Variants in RNF4 observed in about 807,000 individuals in gnomAD.
RNF4 encodes E3 ubiquitin-protein ligase RNF4.
Under a neutral mutation model 24.3 loss-of-function variants are expected in RNF4, and 7 were observed. The observed-to-expected ratio is 0.29, with a 90% CI of 0.16 to 0.54. The LOEUF is 0.54. RNF4 is among the 20% of genes least tolerant of loss of function. The pLI, the probability that RNF4 is intolerant of heterozygous loss-of-function variation, is 0.95. For missense variants in RNF4, 209 were observed against 248.5 expected, an observed-to-expected ratio of 0.84 and a Z score of 1.07; for synonymous variants, 83 against 84.3, an observed-to-expected ratio of 0.98 and a Z score of 0.09.
intron 1 of RNF4, among the ~76,000 whole-genome samples, chr4:2,474,331 TCA>T (rs1363528618): frequency 6.9e-6 from 1 of 145,008 alleles, no homozygotes; most frequent in Non-Finnish European, 1.5e-5. Context: ...CGAGCCGAAA[TCA>T]CGCCATTGCA....
intron 4 of RNF4, among the ~76,000 whole-genome samples, chr4:2,508,561 GTTTT>G (rs1012347311): frequency 2.0e-5 from 3 of 152,044 alleles, no homozygotes; most frequent in Admixed American, 6.6e-5. Context: ...CGTTGGTTTT[GTTTT>G]TTTGTTTGTT....
At chr4:2,469,907 A>G (rs918971220) in intron 1 of RNF4, 2 of 152,320 alleles carry the variant, frequency 1.3e-5, no homozygotes, top group South Asian at 4.1e-4. Context: ...CGGGCCCTTC[A>G]CCGCTCTGGC....
chr4:2,501,685 C>T (rs1665238174), intron 4 of RNF4, among the ~76,000 whole-genome samples: 1 of 152,158 alleles, frequency 6.6e-6, no homozygotes, highest in African/African-American at 2.4e-5. Flanking sequence ...GGTGGGGGCA[C>T]ACTTGGCAGC....
intron 2 of RNF4, among the ~76,000 whole-genome samples, chr4:2,491,783 G>T (rs532689486): frequency 1.8e-4 from 28 of 152,122 alleles, no homozygotes; most frequent in African/African-American, 6.7e-4. Flanking sequence ...TCCCAGTCTG[G>T]AGTGCAGTGG....
At chr4:2,478,720 T>C (rs1735158683) in intron 1 of RNF4, among the ~76,000 whole-genome samples, 1 of 152,250 alleles carries the variant, frequency 6.6e-6, no homozygotes, top group Non-Finnish European at 1.5e-5. Context: ...TGGAAACACC[T>C]GGATGCCCAG....
At chr4:2,499,289 G>A (rs1409944573) in intron 3 of RNF4, 2 of 452,014 alleles carry the variant, frequency 4.4e-6, no homozygotes, top group South Asian at 1.6e-5. Context: ...TTTTGTTGTT[G>A]TTGTTGTTTG....
chr4:2,483,850 T>C (rs2108755645), intron 1 of RNF4, among the ~76,000 whole-genome samples: 1 of 152,032 alleles, frequency 6.6e-6, no homozygotes, highest in African/African-American at 2.4e-5. Context: ...TTTATTTATT[T>C]TGAGACTGAG....
At chr4:2,485,985 G>A (rs1735394902) in intron 1 of RNF4, among the ~76,000 whole-genome samples, 1 of 152,126 alleles carries the variant, frequency 6.6e-6, no homozygotes, top group South Asian at 2.1e-4. Flanking sequence ...GCTAGTTTCT[G>A]GAATTGATGT....
chr4:2,476,057 G>A (rs1735061667), intron 1 of RNF4, among the ~76,000 whole-genome samples: 1 of 152,136 alleles, frequency 6.6e-6, no homozygotes, highest in Non-Finnish European at 1.5e-5. Flanking sequence ...TTATCCTCAA[G>A]AAAATTTATT....
chr4:2,501,877 G>C (rs139544165), intron 4 of RNF4, among the ~76,000 whole-genome samples: 2 of 152,210 alleles, frequency 1.3e-5, no homozygotes, highest in African/African-American at 4.8e-5. Context: ...GAGAACTTCA[G>C]AATAGGGTTA....
intron 1 of RNF4, among the ~76,000 whole-genome samples, 167 bp from the exon 2 acceptor site, chr4:2,490,170 C>T (rs965563960): frequency 1.3e-4 from 19 of 151,942 alleles, no homozygotes; most frequent in Admixed American, 1.0e-3. Context: ...GTCCTACATG[C>T]GACAAGAATG....
intron 2 of RNF4, among the ~76,000 whole-genome samples, chr4:2,492,269 T>C (rs1307173261): frequency 6.6e-6 from 1 of 152,014 alleles, no homozygotes. Flanking sequence ...GATCTTGAAC[T>C]CCTGGCTTCA....
rs1420818869 is a variant in RNF4 at position 2,513,831 on chromosome 4, C to A, written c.*12C>A. Reference sequence around the variant, plus strand: ...CCATTTATATATGAAGTATTCAGAGCCCCCCAGGAGAGACGGATGGACAGA... The same window carrying A: ...CCATTTATATATGAAGTATTCAGAGACCCCCAGGAGAGACGGATGGACAGA... On this transcript the variant is annotated 3_prime_UTR_variant, in exon 8 of 8. Transcript: ENST00000314289. The A allele has an allele frequency of 6.2e-7, 1 of 1,613,666 alleles. No individual in the cohort carries two copies.
In RNF4 at chr4:2,473,811, G is replaced by GA. The variant is rs1011929468; in HGVS notation, c.-158+4563dup. On this transcript the variant is annotated intron_variant, in intron 1 of 7. Coordinates refer to ENST00000314289, the MANE Select transcript of RNF4 (RefSeq NM_002938.5). ...GGGCGACAGAGCGAGACTCTGTCTA[G>GA]AAAAAAAAAAGTAGAGCCTGAAGGC... Among the ~76,000 whole-genome samples the GA allele has an allele frequency of 4.4e-4, 65 of 147,914 alleles. No homozygotes were observed. The East Asian group carries it at 4.9e-3, about 11-fold the overall frequency.
chr4:2,483,284 G>A (rs551608394), intron 1 of RNF4, among the ~76,000 whole-genome samples: 11 of 152,150 alleles, frequency 7.2e-5, no homozygotes, highest in Non-Finnish European at 1.5e-4. Flanking sequence ...TTCATTCAGC[G>A]GTCACTGGTT....
intron 4 of RNF4, among the ~76,000 whole-genome samples, chr4:2,510,107 A>G (rs543483268): frequency 2.0e-5 from 3 of 152,306 alleles, no homozygotes; most frequent in African/African-American, 2.4e-5. Context: ...AGCACGTTTC[A>G]GTGGCTCCAC....
At chr4:2,500,192 T>A (rs909235530) in intron 3 of RNF4, among the ~76,000 whole-genome samples, 1 of 151,020 alleles carries the variant, frequency 6.6e-6, no homozygotes, top group African/African-American at 2.4e-5. Context: ...TTGCCCTAGA[T>A]TAACCGATGA....
chr4:2,492,669 C>G (rs1735616604), intron 2 of RNF4, among the ~76,000 whole-genome samples: 1 of 152,224 alleles, frequency 6.6e-6, no homozygotes, highest in South Asian at 2.1e-4. Context: ...AAATGCTGGT[C>G]ACACCCTCTG....
intron 1 of RNF4, among the ~76,000 whole-genome samples, chr4:2,485,127 C>G (rs1735367163): frequency 6.6e-6 from 1 of 152,150 alleles, no homozygotes; most frequent in Non-Finnish European, 1.5e-5. Context: ...AGCACTGCTT[C>G]CTCTAGACAG....
Sources: allele counts gnomAD v4.1 joint callset (sites outside exome capture counted in the v4.1 genomes callset), GRCh38; gene constraint gnomAD v4.1.1; transcripts MANE v1.5; gene names NCBI Gene and HGNC (gene_info 2026-07-23, HGNC 2026-07-21).